Variants in KYAT1 observed in about 807,000 individuals in gnomAD.
KYAT1 encodes kynurenine aminotransferase 1.
Under a neutral mutation model 52.4 loss-of-function variants are expected in KYAT1, and 47 were observed. That is an observed-to-expected ratio of 0.90 (90% confidence interval 0.71 to 1.14). KYAT1 has a LOEUF of 1.14. Among genes scored for constraint, KYAT1 ranks in the 50% most tolerant of loss-of-function variants. The pLI is 0.00. For missense variants in KYAT1, 480 were observed against 557.9 expected, an observed-to-expected ratio of 0.86 and a Z score of 1.41; for synonymous variants, 212 against 209.6, an observed-to-expected ratio of 1.01 and a Z score of -0.10.
intron 1 of KYAT1, among the ~76,000 whole-genome samples, chr9:128,872,890 T>G (rs189590852): frequency 2.3e-3 from 341 of 149,120 alleles, no homozygotes; most frequent in Middle Eastern, 0.017. Context: ...CTGGTCAACA[T>G]GATGAAACCC....
In KYAT1 at chr9:128,833,557, T is replaced by C. The variant is rs1180010326; in HGVS notation, c.*27A>G. 2 of 1,609,042 alleles carry C rather than the reference T, an allele frequency of 1.2e-6. No individual in the cohort carries two copies. The highest frequency in any genetic ancestry group is 1.3e-5 in the African/African-American group (1 of 74,950). On this transcript the variant is annotated 3_prime_UTR_variant, in exon 13 of 13. Coordinates refer to ENST00000302586, the MANE Select transcript of KYAT1 (RefSeq NM_004059.5). ...GAGGATCTCTGCGGGCATGTGGGGA[T>C]GTCAGGGCCAAGGCGTGACTTCAGG...
intron 1 of KYAT1, among the ~76,000 whole-genome samples, chr9:128,871,189 G>A (rs556078762): frequency 6.6e-5 from 10 of 152,108 alleles, no homozygotes; most frequent in East Asian, 3.9e-4. Flanking sequence ...ACGGTGGTAC[G>A]TGTCTGTAGT....
intron 1 of KYAT1, among the ~76,000 whole-genome samples, chr9:128,869,958 T>C (rs1430328024): frequency 1.3e-5 from 2 of 152,094 alleles, no homozygotes; most frequent in East Asian, 3.9e-4. Context: ...TTCGCCATGT[T>C]GGCCAGGCTG....
chr9:128,836,024 G>A lies in KYAT1; in HGVS notation c.738C>T (p.Gly246=). 6.2e-7 allele frequency: 1 copy of A among 1,613,882 alleles called. No homozygotes were observed. ...TCCAGCCAGTGGCGCTGAAGGTCTT[G>A]CCGGCGCTGCCGATGGTCAGGGTCC... is the stretch of plus-strand genomic sequence containing the variant. ...WERTLTIGSA[G]KTFSATGWKV... The change falls in exon 8 of 13, where the codon GGC becomes GGT. Residue 246 remains glycine, a synonymous_variant. Coordinates refer to ENST00000302586, the MANE Select transcript of KYAT1 (RefSeq NM_004059.5).
intron 1 of KYAT1, among the ~76,000 whole-genome samples, chr9:128,864,952 T>C (rs907512129): frequency 6.6e-6 from 1 of 151,688 alleles, no homozygotes; most frequent in African/African-American, 2.4e-5. Context: ...TTCAAGAGGC[T>C]AAGTGGTCAG....
At chr9:128,876,478 C>T (rs919416309) in intron 1 of KYAT1, among the ~76,000 whole-genome samples, 3 of 145,886 alleles carry the variant, frequency 2.1e-5, no homozygotes, top group Non-Finnish European at 4.5e-5. Context: ...AGTGCAGTGG[C>T]GTGATCTCAG....
chr9:128,880,734 G>A (rs1454381876), intron 1 of KYAT1, among the ~76,000 whole-genome samples: 4 of 151,914 alleles, frequency 2.6e-5, no homozygotes, highest in Non-Finnish European at 5.9e-5. Flanking sequence ...GAACCACCGC[G>A]CCCGGCCCTG....
chr9:128,842,298 C>A (rs931895084), intron 3 of KYAT1: 1 of 199,006 alleles, frequency 5.0e-6, no homozygotes, highest in East Asian at 1.4e-4. Context: ...GTAATCCAAC[C>A]AGTAGCTCAT....
Position 128,838,273 on chromosome 9 carries a change from C to A in KYAT1, c.296G>T (p.Gly99Val). 1 of 1,614,220 alleles carries A rather than the reference C, an allele frequency of 6.2e-7. No homozygotes were observed. Among genetic ancestry groups the A allele is most frequent in the Non-Finnish European group, 8.5e-7 (1 of 1,180,032 alleles). ...GGCTGTGAACAGGGCCCCATAGCCA[C>A]CAACAGTCACCAGCACATTCCTGAG... ...DPLRNVLVTVGGYGALFTAFQ... is the reference protein window; with the variant it reads ...DPLRNVLVTVVGYGALFTAFQ... The change falls in exon 4 of 13, where the codon GGT (glycine) becomes GTT (valine). Residue 99 changes from glycine (G) to valine (V), a missense_variant. By Grantham distance (109) the Gly-to-Val change is moderately radical. Transcript: ENST00000302586.
Position 128,835,482 on chromosome 9 carries a change from G to A in KYAT1, c.1041C>T (p.Phe347=). ...SYFLITDISD[F]KRKMPDLPGA... is the part of the protein sequence containing the mutation. ...CCCAGACCGGCAAGTCTCACTCACT[G>A]AAGTCTGAGATGTCTGTGATGAGGA... The change falls in exon 10 of 13, where the codon TTC becomes TTT. Residue 347 remains phenylalanine, a splice_region_variant and synonymous_variant. Coordinates refer to ENST00000302586, the MANE Select transcript of KYAT1 (RefSeq NM_004059.5). The A allele has an allele frequency of 1.9e-6, 3 of 1,613,844 alleles. No individual in the cohort carries two copies. Among genetic ancestry groups the A allele is most frequent in the Non-Finnish European group, 2.5e-6 (3 of 1,180,004 alleles).
chr9:128,872,124 G>A (rs1837314801), intron 1 of KYAT1, among the ~76,000 whole-genome samples: 1 of 109,750 alleles, frequency 9.1e-6, no homozygotes, highest in Non-Finnish European at 1.8e-5. Flanking sequence ...GCGAAACTCT[G>A]TCTCAAAAAA....
At chr9:128,840,531 G>C in intron 3 of KYAT1, 1 of 390,014 alleles carries the variant, frequency 2.6e-6, no homozygotes, top group Non-Finnish European at 4.9e-6. Context: ...GATTATAGGC[G>C]TGAGCCACCA....
chr9:128,877,740 A>T (rs766521788), intron 1 of KYAT1, among the ~76,000 whole-genome samples: 1 of 152,178 alleles, frequency 6.6e-6, no homozygotes, highest in African/African-American at 2.4e-5. Context: ...GCTTCTCAAT[A>T]GGGGCACACT....
intron 1 of KYAT1, among the ~76,000 whole-genome samples, chr9:128,850,891 G>C (rs1024596040): frequency 6.6e-6 from 1 of 152,172 alleles, no homozygotes; most frequent in African/African-American, 2.4e-5. Context: ...GAGATGTTTG[G>C]GTGGAGAGAA....
chr9:128,860,566 CCTT>C (rs1835321478), intron 1 of KYAT1: 1 of 150,210 alleles, frequency 6.7e-6, no homozygotes, highest in African/African-American at 2.4e-5. Context: ...GTTTGTTCAG[CCTT>C]TTTTTTTTTT....
At position 128,838,150 on chromosome 9, in the gene KYAT1, T is replaced by A; in HGVS notation, c.352-13A>T. On this transcript the variant is annotated splice_polypyrimidine_tract_variant and intron_variant, in intron 4 of 12. Transcript: ENST00000302586. ...CGATGATGATGACCTGATATAAGGG[T>A]CAAATCAGCTGGAGTCAGCATGGCC... 6.2e-7 allele frequency: 1 copy of A among 1,613,920 alleles called. No homozygotes were observed. Among genetic ancestry groups the A allele is most frequent in the South Asian group, 1.1e-5 (1 of 91,076 alleles).
intron 1 of KYAT1, among the ~76,000 whole-genome samples, chr9:128,852,426 A>T (rs906713801): frequency 2.0e-5 from 3 of 152,260 alleles, no homozygotes; most frequent in African/African-American, 7.2e-5. Flanking sequence ...TTTAGTGGAA[A>T]GTGTTGCCTC....
intron 1 of KYAT1, among the ~76,000 whole-genome samples, chr9:128,879,167 A>G (rs1838448707): frequency 1.3e-5 from 2 of 152,112 alleles, no homozygotes; most frequent in South Asian, 4.1e-4. Flanking sequence ...AAAATTAGCC[A>G]GGCGTGGTGG....
chr9:128,839,693 C>T (rs1831789974), intron 3 of KYAT1, among the ~76,000 whole-genome samples: 1 of 152,200 alleles, frequency 6.6e-6, no homozygotes, highest in Non-Finnish European at 1.5e-5. Context: ...GAAACTTTAT[C>T]TAGAACTCAA....
Sources: allele counts gnomAD v4.1 joint callset (sites outside exome capture counted in the v4.1 genomes callset), GRCh38; gene constraint gnomAD v4.1.1; transcripts MANE v1.5; gene names NCBI Gene and HGNC (gene_info 2026-07-23, HGNC 2026-07-21).